MB21D2: variants seen among roughly 807,000 people sequenced by gnomAD.
MB21D2 encodes nucleotidyltransferase MB21D2.
Under a neutral mutation model 33.3 loss-of-function variants are expected in MB21D2, and 9 were observed. The observed-to-expected ratio is 0.27, with a 90% CI of 0.16 to 0.47. The LOEUF (loss-of-function observed/expected upper bound fraction) is 0.47. Ranked by LOEUF, MB21D2 falls within the 20% of genes least tolerant of loss-of-function variation. The pLI, the probability that MB21D2 is intolerant of heterozygous loss-of-function variation, is 0.99. For synonymous variants in MB21D2, 241 were observed against 236.3 expected (o/e 1.02, Z -0.18); for missense variants, 540 against 624.6 (o/e 0.86, Z 1.44).
intron 1 of MB21D2, among the ~76,000 whole-genome samples, chr3:192,801,676 A>G (rs1711566809): frequency 6.6e-6 from 1 of 152,178 alleles, no homozygotes; most frequent in Non-Finnish European, 1.5e-5. Context: ...TCACCAGACA[A>G]TGAATCTGCA....
In MB21D2 at chr3:192,799,726, C is replaced by T; in HGVS notation, c.212-76G>A. The T allele has an allele frequency of 1.4e-6, 2 of 1,445,926 alleles. No individual in the cohort carries two copies. The highest frequency in any genetic ancestry group is 1.8e-6 in the Non-Finnish European group (2 of 1,090,562). The allele number at this position is 1,445,926 out of a possible 1,614,324, so 89.6% of individuals were successfully genotyped here. A position where few individuals can be genotyped will look rare whatever the true frequency, so the allele number is the denominator to read the frequency against. ...AGAGTCTTATGCATGAAACAGAATG[C>T]TCTGATGTTCCAAGAACCAAAACTC... On this transcript the variant is annotated intron_variant, in intron 1 of 1. Coordinates refer to ENST00000392452, the MANE Select transcript of MB21D2 (RefSeq NM_178496.4). This position sits in a 1 kb window ranked among gnomAD's most constrained non-coding sequence, Gnocchi z 4.1.
intron 1 of MB21D2, among the ~76,000 whole-genome samples, chr3:192,877,971 GAAAAAGAAAAAAA>G (rs1713471025): frequency 1.5e-5 from 2 of 129,224 alleles, no homozygotes; most frequent in South Asian, 2.4e-4. Context: ...ACCTGTTATT[GAAAAAGAAAAAAA>G]AAAAAGAAAA....
At chr3:192,826,497 G>A (rs933730057) in intron 1 of MB21D2, among the ~76,000 whole-genome samples, 29 of 152,216 alleles carry the variant, frequency 1.9e-4, no homozygotes, top group African/African-American at 6.5e-4. Context: ...TGTAAATTTA[G>A]CCTGGCTGTG....
intron 1 of MB21D2, among the ~76,000 whole-genome samples, chr3:192,915,682 A>T (rs941425502): frequency 1.3e-5 from 2 of 152,256 alleles, no homozygotes; most frequent in African/African-American, 4.8e-5. Flanking sequence ...AAACACATGC[A>T]AAAATTAAGC....
chr3:192,858,503 C>T (rs545167250), intron 1 of MB21D2, among the ~76,000 whole-genome samples: 2 of 152,290 alleles, frequency 1.3e-5, no homozygotes, highest in African/African-American at 2.4e-5. Flanking sequence ...ACCATGCAAA[C>T]GACAAAGTAT....
chr3:192,889,149 T>A lies in MB21D2; in HGVS notation c.211+28481A>T, dbSNP rs549121731. On this transcript the variant is annotated intron_variant, in intron 1 of 1. Transcript: ENST00000392452. ...ATTTATGATGTATTCAACAAACAGA[T>A]ACACACACAAATATACAGTTAGTTC... Among the ~76,000 whole-genome samples, 3 of 152,210 alleles carry A rather than the reference T, an allele frequency of 2.0e-5. No individual in the cohort carries two copies. The South Asian group carries it at 6.2e-4, about 32-fold the overall frequency.
chr3:192,852,942 A>G (rs1712838678), intron 1 of MB21D2, among the ~76,000 whole-genome samples: 1 of 152,050 alleles, frequency 6.6e-6, no homozygotes, highest in African/African-American at 2.4e-5. Flanking sequence ...GTGCTTTTTA[A>G]AATATCCCAT....
intron 1 of MB21D2, among the ~76,000 whole-genome samples, chr3:192,858,477 A>C (rs1266380765): frequency 6.6e-6 from 1 of 152,262 alleles, no homozygotes; most frequent in African/African-American, 2.4e-5. Flanking sequence ...CAATACATCA[A>C]AACAAATGTG....
chr3:192,861,705 A>G (rs963069693), intron 1 of MB21D2, among the ~76,000 whole-genome samples: 9 of 152,142 alleles, frequency 5.9e-5, no homozygotes, highest in Admixed American at 2.6e-4. Context: ...TCGGGAGGCT[A>G]AGGCAGGAGA....
intron 1 of MB21D2, among the ~76,000 whole-genome samples, chr3:192,905,377 G>A (rs1396624668): frequency 1.3e-5 from 2 of 151,952 alleles, no homozygotes; most frequent in Non-Finnish European, 2.9e-5. Context: ...GGTGGCTCAC[G>A]CCTGTAATCC....
intron 1 of MB21D2, among the ~76,000 whole-genome samples, chr3:192,816,252 AGG>A (rs1711922139): frequency 6.6e-6 from 1 of 152,094 alleles, no homozygotes; most frequent in African/African-American, 2.4e-5. Context: ...GACTTGAGAA[AGG>A]TTATTAAAGG....
At chr3:192,876,560 T>C (rs1331872970) in intron 1 of MB21D2, among the ~76,000 whole-genome samples, 3 of 152,170 alleles carry the variant, frequency 2.0e-5, no homozygotes, top group African/African-American at 7.2e-5. Flanking sequence ...CAAAAGGGCA[T>C]TTCACTTCCC....
At chr3:192,815,775 G>A (rs1452895266) in intron 1 of MB21D2, among the ~76,000 whole-genome samples, 1 of 152,158 alleles carries the variant, frequency 6.6e-6, no homozygotes, top group East Asian at 1.9e-4. Flanking sequence ...AGAAAATGAT[G>A]TATTTGTGCT....
intron 1 of MB21D2, among the ~76,000 whole-genome samples, chr3:192,887,182 T>A (rs1433647564): frequency 6.6e-6 from 1 of 152,112 alleles, no homozygotes; most frequent in African/African-American, 2.4e-5. Flanking sequence ...AGTCTCGTTC[T>A]GTTTCCCAGG....
chr3:192,884,749 T>C (rs1713695603), intron 1 of MB21D2, among the ~76,000 whole-genome samples: 1 of 152,074 alleles, frequency 6.6e-6, no homozygotes, highest in Admixed American at 6.5e-5. Flanking sequence ...TCTATTCACA[T>C]GCACACATGT....
chr3:192,811,331 C>G (rs1251307102), intron 1 of MB21D2, among the ~76,000 whole-genome samples: 1 of 152,194 alleles, frequency 6.6e-6, no homozygotes, highest in Non-Finnish European at 1.5e-5. Context: ...TGAACTACCA[C>G]AGCAGAGTAA....
intron 1 of MB21D2, among the ~76,000 whole-genome samples, chr3:192,818,393 C>A (rs982661242): frequency 3.3e-5 from 5 of 152,068 alleles, no homozygotes; most frequent in Admixed American, 3.3e-4. Flanking sequence ...CTTTCACATG[C>A]AATTTTCCTA....
chr3:192,893,036 T>C (rs1713885348), intron 1 of MB21D2, among the ~76,000 whole-genome samples: 1 of 152,198 alleles, frequency 6.6e-6, no homozygotes, highest in South Asian at 2.1e-4. Flanking sequence ...ACAGTCAATG[T>C]AAACTGCTCA....
At chr3:192,857,379 G>A (rs1379066569) in intron 1 of MB21D2, among the ~76,000 whole-genome samples, 1 of 152,216 alleles carries the variant, frequency 6.6e-6, no homozygotes, top group African/African-American at 2.4e-5. Context: ...AAGAACTGCA[G>A]TCGTGTCAAG....
Sources: gnomAD v4.1 joint callset for allele counts (sites outside exome capture counted in the v4.1 genomes callset) on GRCh38, gnomAD v4.1.1 for gene constraint, Gnocchi (gnomAD v3.1) non-coding constraint, MANE v1.5 for transcripts, NCBI Gene and HGNC (gene_info 2026-07-23, HGNC 2026-07-21) for gene names.